Variants in LRP1B observed in about 807,000 individuals in gnomAD.
The protein encoded by LRP1B is low-density lipoprotein receptor-related protein 1B.
A neutral mutation model predicts 556.6 loss-of-function variants in LRP1B; 217 were observed. That is an observed-to-expected ratio of 0.39 (90% CI 0.35 to 0.44). The LOEUF (loss-of-function observed/expected upper bound fraction) is 0.44, where lower values mean the gene tolerates loss of function less well. Ranked by LOEUF, LRP1B falls within the 20% of genes least tolerant of loss-of-function variation. The probability of loss-of-function intolerance (pLI) is 1.00; values close to 1 mark genes in which losing one functional copy is unlikely to be tolerated. For synonymous variants in LRP1B, 2,047 were observed against 1,865.8 expected, an observed-to-expected ratio of 1.10 and a Z score of -2.50; for missense variants, 5,053 against 5,620.8, an observed-to-expected ratio of 0.90 and a Z score of 3.23.
At chr2:141,515,823 A>G (rs1409748287) in intron 2 of LRP1B, among the ~76,000 whole-genome samples, 1 of 152,332 alleles carries the variant, frequency 6.6e-6, no homozygotes, top group East Asian at 1.9e-4. Flanking sequence ...AGTGAGAAGT[A>G]ACATTAATAT....
intron 2 of LRP1B, among the ~76,000 whole-genome samples, chr2:141,750,596 G>A (rs1490326789): frequency 6.6e-6 from 1 of 152,090 alleles, no homozygotes; most frequent in East Asian, 1.9e-4. Context: ...AAACCTGCAT[G>A]CATTCTCAAA....
chr2:140,252,060 TGC>T (rs1681443759), intron 86 of LRP1B, among the ~76,000 whole-genome samples: 1 of 1,122 alleles, frequency 8.9e-4, no homozygotes, highest in Non-Finnish European at 1.7e-3. Flanking sequence ...CATGACAAGA[TGC>T]AAAAAAAAAA....
rs1307938888 is a variant in LRP1B, at chr2:141,923,444, ATATGTG to A, written c.83-113049_83-113044del. ...ATATAGTGACAAAGAGATTATATAT[ATATGTG>A]TGTGTGTGTGTGTGTGTGTGTGTGT... On this transcript the variant is annotated intron_variant, in intron 1 of 90. Coordinates refer to ENST00000389484, the MANE Select transcript of LRP1B (RefSeq NM_018557.3). 5.8e-4 allele frequency among the ~76,000 whole-genome samples: 37 copies of A among 64,318 alleles called. 1 individual carries two copies. Among genetic ancestry groups the A allele is most frequent in the Middle Eastern group, 9.3e-3 (1 of 108 alleles). 42.2% of individuals were successfully genotyped at this position (64,318 alleles called of 152,430 possible).
At chr2:141,741,598 T>C (rs779726465) in intron 2 of LRP1B, among the ~76,000 whole-genome samples, 6 of 152,218 alleles carry the variant, frequency 3.9e-5, no homozygotes, top group Non-Finnish European at 8.8e-5. Context: ...TGTCTTCTTT[T>C]GAGAAGTGTC....
intron 7 of LRP1B, among the ~76,000 whole-genome samples, chr2:141,110,263 C>G (rs563260026): frequency 6.6e-6 from 1 of 151,456 alleles, no homozygotes; most frequent in African/African-American, 2.4e-5. Context: ...TTATATCTTT[C>G]TAATTAATGT....
At chr2:141,770,494 C>T (rs769742468) in intron 2 of LRP1B, among the ~76,000 whole-genome samples, 2 of 152,304 alleles carry the variant, frequency 1.3e-5, no homozygotes, top group South Asian at 2.1e-4. Context: ...TCACTAATAC[C>T]TAGACTGCTG....
At chr2:140,329,876 C>T (rs1188352570) in intron 79 of LRP1B, among the ~76,000 whole-genome samples, 1 of 133,798 alleles carries the variant, frequency 7.5e-6, no homozygotes, top group Non-Finnish European at 1.7e-5. Context: ...CATCCTTCAC[C>T]AAATTAGAAA....
At chr2:140,680,782 G>T (rs142727692) in intron 41 of LRP1B, among the ~76,000 whole-genome samples, 1 of 152,048 alleles carries the variant, frequency 6.6e-6, no homozygotes, top group Admixed American at 6.6e-5. Flanking sequence ...TGTGACCCAG[G>T]TCTCATCACA....
chr2:140,970,712 ACCTTTTTTTTTTTTTTT>A lies in LRP1B; in HGVS notation c.2887+11431_2887+11447del, dbSNP rs1696387361. ...TTTCTGATTTTCTTTTAATTTTTTAACCTTTTTTTTTTTTTTTTTTTTTTTTTTTTTTTTTTTTTTTT... is the reference window on the plus strand; with the variant it reads ...TTTCTGATTTTCTTTTAATTTTTTAATTTTTTTTTTTTTTTTTTTTTTTTT... On this transcript the variant is annotated intron_variant, in intron 18 of 90. Transcript: ENST00000389484. Among the ~76,000 whole-genome samples, 443 of 126,392 alleles carry A rather than the reference ACCTTTTTTTTTTTTTTT, an allele frequency of 3.5e-3. 50 individuals carry two copies. The highest frequency in any genetic ancestry group is 0.011 in the African/African-American group (324 of 29,922). The allele number at this position is 126,392 out of a possible 152,430, so 82.9% of individuals were successfully genotyped here.
intron 2 of LRP1B, among the ~76,000 whole-genome samples, chr2:141,526,643 G>A (rs989060177): frequency 6.6e-6 from 1 of 151,784 alleles, no homozygotes; most frequent in African/African-American, 2.4e-5. Context: ...CCTGCTTAAT[G>A]TTTTAATTGT....
chr2:142,026,218 C>T (rs1368873927), intron 1 of LRP1B, among the ~76,000 whole-genome samples: 1 of 152,110 alleles, frequency 6.6e-6, no homozygotes, highest in Admixed American at 6.6e-5. Flanking sequence ...GTTTGATTCA[C>T]ATTTTTACTC....
chr2:140,946,582 C>G (rs116357730), intron 20 of LRP1B, among the ~76,000 whole-genome samples: 5,838 of 152,122 alleles, frequency 0.038, 176 homozygotes, highest in Non-Finnish European at 0.055. Context: ...GCTTGGGCAA[C>G]AGAGTGATAC....
intron 66 of LRP1B, among the ~76,000 whole-genome samples, chr2:140,440,776 G>C (rs1256755280): frequency 2.0e-5 from 2 of 100,292 alleles, no homozygotes; most frequent in Middle Eastern, 4.9e-3. Context: ...CACTGGTCTG[G>C]AACTTACAGC....
At position 141,212,234 on chromosome 2, in the gene LRP1B, G is replaced by A. The variant is rs116057704; in HGVS notation, c.850+16949C>T. Among the ~76,000 whole-genome samples the A allele has an allele frequency of 8.6e-5, 7 of 81,554 alleles. No homozygotes were observed. In the East Asian group the frequency reaches 2.2e-3, roughly 25 times the overall value. 53.5% of individuals were successfully genotyped at this position (81,554 alleles called of 152,430 possible). A position where few individuals can be genotyped will look rare whatever the true frequency, so the allele number is the denominator to read the frequency against. ...ATTTACTTTTCCCCCAAGATATATT[G>A]ATCAAAAAGTCTAGATTTTTTTTTT... On this transcript the variant is annotated intron_variant, in intron 6 of 90. Coordinates refer to ENST00000389484, the MANE Select transcript of LRP1B (RefSeq NM_018557.3).
intron 3 of LRP1B, among the ~76,000 whole-genome samples, chr2:141,427,609 A>G (rs1263605916): frequency 6.6e-6 from 1 of 152,188 alleles, no homozygotes; most frequent in African/African-American, 2.4e-5. Context: ...TTTCATATAT[A>G]TGTATGTCTA....
chr2:141,889,461 A>T (rs1265242142), intron 1 of LRP1B, among the ~76,000 whole-genome samples: 1 of 152,190 alleles, frequency 6.6e-6, no homozygotes, highest in African/African-American at 2.4e-5. Context: ...AGTAAAACTG[A>T]GACTCAGGAG....
intron 61 of LRP1B, 47 bp downstream of exon 61, chr2:140,457,416 C>G (rs1328305997): frequency 1.4e-6 from 2 of 1,379,874 alleles, no homozygotes; most frequent in Non-Finnish European, 2.0e-6. Context: ...TGGAATGTTA[C>G]TGAAAGATGT....
chr2:141,030,276 TA>T (rs1293570598), intron 11 of LRP1B, among the ~76,000 whole-genome samples: 4 of 152,142 alleles, frequency 2.6e-5, no homozygotes, highest in African/African-American at 9.7e-5. Context: ...AGAAAAATGT[TA>T]AACATGGCAT....
intron 1 of LRP1B, among the ~76,000 whole-genome samples, chr2:141,927,833 G>A (rs924349846): frequency 7.6e-6 from 1 of 131,370 alleles, no homozygotes; most frequent in African/African-American, 2.9e-5. Flanking sequence ...TTCCCCCCAA[G>A]CTACAGCATC....
Sources: gnomAD v4.1 joint callset for allele counts (sites outside exome capture counted in the v4.1 genomes callset) on GRCh38, gnomAD v4.1.1 for gene constraint, MANE v1.5 for transcripts, NCBI Gene and HGNC (gene_info 2026-07-23, HGNC 2026-07-21) for gene names.